BARX2: variants seen among roughly 807,000 people sequenced by gnomAD.
BARX2 encodes the protein BARX homeobox 2, also known as homeobox protein BarH-like 2.
A neutral mutation model predicts 25.5 loss-of-function variants in BARX2; 11 were observed. The ratio of observed to expected loss-of-function variants is 0.43; its 90% CI spans 0.27 to 0.71. The LOEUF is 0.71. BARX2 is among the 30% of genes least tolerant of loss of function. The pLI is 0.19. For synonymous variants in BARX2, 137 were observed against 149.5 expected, an observed-to-expected ratio of 0.92 and a Z score of 0.61; for missense variants, 360 against 359.9, an observed-to-expected ratio of 1.00 and a Z score of 0.00.
At chr11:129,448,397 A>T (rs1047857535) in intron 3 of BARX2, among the ~76,000 whole-genome samples, 5 of 152,252 alleles carry the variant, frequency 3.3e-5, no homozygotes, top group African/African-American at 1.2e-4. Flanking sequence ...ATGTATCCAG[A>T]ATATTTAAAG....
chr11:129,377,298 G>A (rs190371669), intron 1 of BARX2, among the ~76,000 whole-genome samples: 17 of 152,334 alleles, frequency 1.1e-4, no homozygotes, highest in Non-Finnish European at 2.9e-5. Context: ...TGCTCAATGC[G>A]TGGAATCCTG....
chr11:129,450,179 T>TATC (rs1418599993), intron 3 of BARX2, among the ~76,000 whole-genome samples: 1 of 152,238 alleles, frequency 6.6e-6, no homozygotes, highest in Non-Finnish European at 1.5e-5. Flanking sequence ...GTTTTTCTAC[T>TATC]ATCAAAGCCA....
At chr11:129,430,717 C>A (rs1565519710) in intron 1 of BARX2, among the ~76,000 whole-genome samples, 2 of 152,182 alleles carry the variant, frequency 1.3e-5, no homozygotes, top group Admixed American at 6.5e-5. Flanking sequence ...TCTTCCCCGA[C>A]CCTTAACCTC....
At chr11:129,443,482 G>A (rs746960808) in intron 3 of BARX2, among the ~76,000 whole-genome samples, 18 of 152,164 alleles carry the variant, frequency 1.2e-4, no homozygotes, top group Admixed American at 2.6e-4. Flanking sequence ...GGGCATTAGC[G>A]TCCCCTGGGT....
At position 129,376,050 on chromosome 11, in the gene BARX2, C is replaced by T; in HGVS notation, c.15C>T (p.Ala5=). The change falls in exon 1 of 4, where the codon GCC becomes GCT. Residue 5 remains alanine (A), a synonymous_variant. Transcript: ENST00000281437. This position sits in a 1 kb window ranked among gnomAD's most constrained non-coding sequence, Gnocchi z 4.2. MHCH[A]ELRLSSPGQL... is the part of the protein sequence containing the mutation. ...GCCGGCTCACCATGCACTGCCACGC[C>T]GAGCTGAGGCTGAGCTCGCCCGGCC... 1 of 1,591,100 alleles carries T rather than the reference C, an allele frequency of 6.3e-7. No homozygotes were observed. The highest frequency in any genetic ancestry group is 1.7e-5 in the Admixed American group (1 of 57,754).
At chr11:129,413,032 A>C (rs943515685) in intron 1 of BARX2, among the ~76,000 whole-genome samples, 68 of 150,208 alleles carry the variant, frequency 4.5e-4, no homozygotes, top group Non-Finnish European at 4.6e-4. Context: ...AGGAATTCTT[A>C]GGTATGTTTG....
At chr11:129,426,442 G>A (rs1018037177) in intron 1 of BARX2, among the ~76,000 whole-genome samples, 3 of 151,126 alleles carry the variant, frequency 2.0e-5, no homozygotes, top group Non-Finnish European at 4.4e-5. Context: ...GCACAATCTC[G>A]GCTCACTGCA....
intron 1 of BARX2, among the ~76,000 whole-genome samples, chr11:129,400,778 C>T (rs1323286219): frequency 6.6e-6 from 1 of 152,122 alleles, no homozygotes; most frequent in Non-Finnish European, 1.5e-5. Context: ...AGAGATGACC[C>T]AGGGCGGTGG....
chr11:129,449,494 C>G (rs997438862), intron 3 of BARX2, among the ~76,000 whole-genome samples: 1 of 152,198 alleles, frequency 6.6e-6, no homozygotes, highest in Non-Finnish European at 1.5e-5. Flanking sequence ...CTCTGGAAGC[C>G]CTTCTCACTA....
rs1861502326 is a variant in BARX2, at chr11:129,376,220, C to A, written c.185C>A (p.Thr62Lys). The stretch of plus-strand genomic sequence containing the variant: ...CGACCCAAGCCCCTGCATTCCTGTA[C>A]GGGTAAGACGCTCCGCTAGGGGATA... Reference protein sequence around the residue: ...VVRPKPLHSCTGSPSLRAYPL... With the variant: ...VVRPKPLHSCKGSPSLRAYPL... The change falls in exon 1 of 4, where the codon ACG (threonine) becomes AAG (lysine). Residue 62 changes from threonine to lysine, a missense_variant and splice_region_variant. Thr to Lys is a moderately conservative substitution (Grantham distance 78). This residue lies in a region of BARX2 where 240 missense variants were observed against 228.7 expected (regional missense o/e 1.05). Coordinates refer to ENST00000281437, the MANE Select transcript of BARX2 (RefSeq NM_003658.5). The surrounding 1 kb of genome is among the most constrained non-coding windows in gnomAD (Gnocchi z 4.2). The A allele has an allele frequency of 6.3e-7, 1 of 1,598,698 alleles. No individual in the cohort carries two copies. The highest frequency in any genetic ancestry group is 1.7e-5 in the Admixed American group (1 of 58,338).
chr11:129,391,697 A>C (rs1173891917), intron 1 of BARX2, among the ~76,000 whole-genome samples: 3 of 152,150 alleles, frequency 2.0e-5, no homozygotes, highest in Non-Finnish European at 4.4e-5. Context: ...TTTAAGGATA[A>C]ATTTCCAGAC....
At chr11:129,442,646 C>T (rs11221711) in intron 2 of BARX2, 189 bp from the exon 3 acceptor site, 12 of 451,282 alleles carry the variant, frequency 2.7e-5, no homozygotes, top group East Asian at 5.8e-5. Flanking sequence ...TGTTTCTCAG[C>T]TTCCCAGAGT....
At position 129,451,121 on chromosome 11, in the gene BARX2, T is replaced by G. The variant is rs762842980; in HGVS notation, c.574-15T>G. ...ATTATTTCTTAGATTCAATAACAATTTTTTACTCACGTAGGTTCTTAAAGG... is the reference window on the plus strand; with the variant it reads ...ATTATTTCTTAGATTCAATAACAATGTTTTACTCACGTAGGTTCTTAAAGG... On this transcript the variant is annotated splice_polypyrimidine_tract_variant and intron_variant, in intron 3 of 3. Transcript: ENST00000281437. 9 of 1,604,398 alleles carry G rather than the reference T, an allele frequency of 5.6e-6. No individual in the cohort carries two copies. Among genetic ancestry groups the G allele is most frequent in the African/African-American group, 1.3e-5 (1 of 74,408 alleles).
chr11:129,451,109 T>C, intron 3 of BARX2, 27 bp from the exon 4 acceptor site: 1 of 1,602,022 alleles, frequency 6.2e-7, no homozygotes, highest in East Asian at 2.2e-5. Flanking sequence ...ATTTCTTAGA[T>C]TCAATAACAA....
At chr11:129,444,832 C>T (rs1301131746) in intron 3 of BARX2, among the ~76,000 whole-genome samples, 2 of 151,764 alleles carry the variant, frequency 1.3e-5, no homozygotes, top group Non-Finnish European at 2.9e-5. Flanking sequence ...TGAAGTCCCG[C>T]CTCTACTAAA....
intron 1 of BARX2, among the ~76,000 whole-genome samples, chr11:129,431,617 G>A (rs780867289): frequency 1.5e-4 from 23 of 152,128 alleles, no homozygotes; most frequent in Non-Finnish European, 2.5e-4. Flanking sequence ...ACTTTGGCAC[G>A]TTGTTATAGG....
intron 3 of BARX2, 151 bp from the exon 4 acceptor site, chr11:129,450,985 G>C: frequency 1.2e-6 from 1 of 866,342 alleles, no homozygotes; most frequent in South Asian, 1.8e-5. Context: ...TTGTAGACCA[G>C]AGGTGATGGG....
intron 2 of BARX2, among the ~76,000 whole-genome samples, chr11:129,440,757 G>T (rs142314499): frequency 6.6e-6 from 1 of 152,114 alleles, no homozygotes; most frequent in African/African-American, 2.4e-5. Context: ...CATCAGGGCC[G>T]GTCCCTGTGG....
chr11:129,408,909 G>A (rs142645616), intron 1 of BARX2, among the ~76,000 whole-genome samples: 64 of 152,228 alleles, frequency 4.2e-4, no homozygotes, highest in African/African-American at 1.5e-3. Flanking sequence ...ACATGAGAAG[G>A]TTTCCATGCA....
Sources: gnomAD v4.1 joint callset for allele counts (sites outside exome capture counted in the v4.1 genomes callset) on GRCh38, gnomAD v4.1.1 for gene constraint, gnomAD v4.1.1 regional missense constraint, Gnocchi (gnomAD v3.1) non-coding constraint, MANE v1.5 for transcripts, NCBI Gene and HGNC (gene_info 2026-07-23, HGNC 2026-07-21) for gene names.